PNPLA3: variants seen among roughly 807,000 people sequenced by gnomAD.
PNPLA3 encodes 1-acylglycerol-3-phosphate O-acyltransferase PNPLA3.
In PNPLA3, 42 loss-of-function variants were observed where a neutral mutation model predicts 43.1. That is an observed-to-expected ratio of 0.97 (90% CI 0.76 to 1.26). The LOEUF is 1.26. Ranked by LOEUF, PNPLA3 falls within the 50% of genes most tolerant of loss-of-function variation. PNPLA3 has a pLI of 0.00. For synonymous variants in PNPLA3, 272 were observed against 253.6 expected, an observed-to-expected ratio of 1.07 and a Z score of -0.69; for missense variants, 647 against 621.4, an observed-to-expected ratio of 1.04 and a Z score of -0.44.
intron 3 of PNPLA3, among the ~76,000 whole-genome samples, chr22:43,930,514 T>G (rs1174023840): frequency 6.6e-6 from 1 of 152,146 alleles, no homozygotes; most frequent in Non-Finnish European, 1.5e-5. Flanking sequence ...TCCCCAGAAC[T>G]CAGCAGGAGT....
intron 8 of PNPLA3, among the ~76,000 whole-genome samples, chr22:43,945,090 A>T (rs2050054382): frequency 6.6e-6 from 1 of 152,192 alleles, no homozygotes; most frequent in African/African-American, 2.4e-5. Context: ...AAGCAGGGAA[A>T]GGTGCTTCAG....
At chr22:43,926,914 G>A (rs1189890699) in intron 1 of PNPLA3, 21 bp from the exon 2 acceptor site, 2 of 1,603,090 alleles carry the variant, frequency 1.2e-6, no homozygotes, top group African/African-American at 2.7e-5. Flanking sequence ...ATTCTTTCAT[G>A]TATTTGTCTC....
chr22:43,925,146 C>G (rs1334347962), intron 1 of PNPLA3, among the ~76,000 whole-genome samples: 1 of 152,228 alleles, frequency 6.6e-6, no homozygotes, highest in East Asian at 1.9e-4. Context: ...TCCCTGGACA[C>G]CCCCCAATCC....
intron 7 of PNPLA3, 38 bp downstream of exon 7, chr22:43,940,163 G>A (rs2050022276): frequency 6.3e-7 from 1 of 1,590,638 alleles, no homozygotes; most frequent in East Asian, 2.2e-5. Context: ...TCCTCACAGG[G>A]TTGATATGAG....
chr22:43,939,004 G>C (rs919925980), intron 6 of PNPLA3, among the ~76,000 whole-genome samples: 1 of 152,174 alleles, frequency 6.6e-6, no homozygotes, highest in African/African-American at 2.4e-5. Flanking sequence ...TGGCTCACTG[G>C]AGCCTCCATC....
chr22:43,930,791 G>A (rs901955665), intron 3 of PNPLA3, among the ~76,000 whole-genome samples: 2 of 152,138 alleles, frequency 1.3e-5, no homozygotes, highest in South Asian at 4.1e-4. Flanking sequence ...GGTCTGTGCC[G>A]GCTCACTTGC....
intron 5 of PNPLA3, among the ~76,000 whole-genome samples, chr22:43,935,699 T>G: frequency 2.1e-5 from 3 of 141,586 alleles, no homozygotes; most frequent in African/African-American, 5.3e-5. Flanking sequence ...TGGCTGGAAG[T>G]GTGGGGGTGG....
Position 43,946,195 on chromosome 22 carries a change from C to T in PNPLA3, c.1259C>T (p.Thr420Ile). 6.2e-7 allele frequency: 1 copy of T among 1,614,186 alleles called. No individual in the cohort carries two copies. Among genetic ancestry groups the T allele is most frequent in the Non-Finnish European group, 8.5e-7 (1 of 1,180,028 alleles). The stretch of plus-strand genomic sequence containing the variant: ...AGCAGCCAACAGGCCTCCCCATGCA[C>T]ACCTGAGCAGGACTGGCCCTGCTGG... Reference protein sequence around the residue: ...PVSSQQASPCTPEQDWPCWTP... With the variant: ...PVSSQQASPCIPEQDWPCWTP... The change falls in exon 9 of 9, where the codon ACA (threonine) becomes ATA (isoleucine). Residue 420 changes from threonine to isoleucine, a missense_variant. Physicochemically the swap from Thr to Ile is moderately conservative, Grantham distance 89. Transcript: ENST00000216180.
Position 43,933,063 on chromosome 22 carries a change from A to G in PNPLA3, c.672A>G (p.Arg224=). The change falls in exon 4 of 9, where the codon AGA becomes AGG. Residue 224 remains arginine, a synonymous_variant. Transcript: ENST00000216180. ...LCTGNLYLLS[R]AFVPPDLKVL... ...CAGGGAACCTCTACCTTCTCTCGAG[A>G]GCTTTTGTCCCCCCGGATCTCAAGG... 1 of 1,613,754 alleles carries G rather than the reference A, an allele frequency of 6.2e-7. No homozygotes were observed. The highest frequency in any genetic ancestry group is 8.5e-7 in the Non-Finnish European group (1 of 1,180,012).
At position 43,933,098 on chromosome 22, in the gene PNPLA3, G is replaced by A; in HGVS notation, c.696+11G>A. ...CCCCCGGATCTCAAGGTGAGTTGGT[G>A]GTGAGGGGGCAGGTGTTCTGGGGTG... On this transcript the variant is annotated intron_variant, in intron 4 of 8. Transcript: ENST00000216180. The A allele has an allele frequency of 6.2e-7, 1 of 1,611,778 alleles. No homozygotes were observed. Among genetic ancestry groups the A allele is most frequent in the Non-Finnish European group, 8.5e-7 (1 of 1,178,888 alleles).
intron 8 of PNPLA3, among the ~76,000 whole-genome samples, chr22:43,945,514 G>A (rs1048983722): frequency 1.9e-4 from 29 of 152,320 alleles, no homozygotes; most frequent in African/African-American, 6.7e-4. Context: ...CTGAGAGCCC[G>A]TAGCATGGTA....
intron 3 of PNPLA3, among the ~76,000 whole-genome samples, chr22:43,930,116 G>T (rs12483959): frequency 2.0e-5 from 3 of 152,016 alleles, no homozygotes; most frequent in Admixed American, 6.6e-5. Flanking sequence ...AGAGGGACTC[G>T]CATTAGGAGC....
chr22:43,932,826 C>A, intron 3 of PNPLA3, 52 bp from the exon 4 acceptor site: 1 of 1,542,174 alleles, frequency 6.5e-7, no homozygotes, highest in Non-Finnish European at 9.0e-7. Context: ...AGCACTTAAG[C>A]ACTAACCCAG....
chr22:43,935,153 G>A (rs1341525771), intron 5 of PNPLA3, among the ~76,000 whole-genome samples: 1 of 152,174 alleles, frequency 6.6e-6, no homozygotes, highest in African/African-American at 2.4e-5. Flanking sequence ...AGTCATCCTG[G>A]CTTGTCAGGG....
chr22:43,940,001 G>A lies in PNPLA3; in HGVS notation c.988G>A (p.Glu330Lys). 1.9e-6 allele frequency: 3 copies of A among 1,614,192 alleles called. No individual in the cohort carries two copies. The highest frequency in any genetic ancestry group is 2.5e-6 in the Non-Finnish European group (3 of 1,180,030). The change falls in exon 7 of 9, where the codon GAA (glutamate) becomes AAA (lysine). Residue 330 changes from glutamate (E) to lysine (K), a missense_variant. Glu to Lys is a moderately conservative substitution (Grantham distance 56, BLOSUM62 1). Transcript: ENST00000216180. ...CAAATTGTCTTTTTCAGCACTGAGT[G>A]AAGAAATGAAAGACAAAGGTGGATA... ...LSPRLATALS[E>K]EMKDKGGYMS... is the part of the protein sequence containing the mutation.
Position 43,946,156 on chromosome 22 carries a change from C to T in PNPLA3, c.1220C>T (p.Ser407Phe). Residue 407 changes from serine to phenylalanine, a missense_variant and splice_region_variant, in exon 9 of 9, where the codon TCC becomes TTC. Physicochemically the swap from Ser to Phe is radical, Grantham distance 155. Coordinates refer to ENST00000216180, the MANE Select transcript of PNPLA3 (RefSeq NM_025225.3). ...VLMCLLPASR[S>F]QMPVSSQQAS... The stretch of plus-strand genomic sequence containing the variant: ...CCAACTTCCTCCATGTGTTTCAGGT[C>T]CCAAATGCCAGTGAGCAGCCAACAG... 6.2e-7 allele frequency: 1 copy of T among 1,612,488 alleles called. No individual in the cohort carries two copies. Among genetic ancestry groups the T allele is most frequent in the Non-Finnish European group, 8.5e-7 (1 of 1,178,628 alleles).
Position 43,926,964 on chromosome 22 carries a change from G to T in PNPLA3, c.217G>T (p.Val73Leu). The T allele has an allele frequency of 6.2e-7, 1 of 1,614,230 alleles. No homozygotes were observed. Among genetic ancestry groups the T allele is most frequent in the Non-Finnish European group, 8.5e-7 (1 of 1,180,050 alleles). The change falls in exon 2 of 9, where the codon GTG (valine) becomes TTG (leucine). Residue 73 changes from valine (V) to leucine (L), a missense_variant. Physicochemically the swap from Val to Leu is conservative, Grantham distance 32. Coordinates refer to ENST00000216180, the MANE Select transcript of PNPLA3 (RefSeq NM_025225.3). Reference sequence around the variant, plus strand: ...GACTCTGCAGGTCCTCTCAGATCTTGTGCGGAAGGCCAGGAGTCGGAACAT... The same window carrying T: ...GACTCTGCAGGTCCTCTCAGATCTTTTGCGGAAGGCCAGGAGTCGGAACAT... ...EQTLQVLSDL[V>L]RKARSRNIGI...
At chr22:43,939,119 T>A (rs949567447) in intron 6 of PNPLA3, among the ~76,000 whole-genome samples, 1 of 152,078 alleles carries the variant, frequency 6.6e-6, no homozygotes, top group African/African-American at 2.4e-5. Flanking sequence ...AGAGACAGGG[T>A]TTCACCATGT....
rs1001453817 is a variant in PNPLA3 at position 43,940,551 on chromosome 22, G to A, written c.1112+426G>A. Among the ~76,000 whole-genome samples the A allele has an allele frequency of 6.6e-5, 10 of 152,250 alleles. No homozygotes were observed. In the East Asian group the frequency reaches 1.7e-3, roughly 26 times the overall value. Reference sequence around the variant, plus strand: ...AAGGCCGGCGCCGTGGCTCACGGCTGTAATCCCAGCATTTTGGGAGGCCAA... The same window carrying A: ...AAGGCCGGCGCCGTGGCTCACGGCTATAATCCCAGCATTTTGGGAGGCCAA... On this transcript the variant is annotated intron_variant, in intron 7 of 8. Coordinates refer to ENST00000216180, the MANE Select transcript of PNPLA3 (RefSeq NM_025225.3).
Sources: allele counts gnomAD v4.1 joint callset (sites outside exome capture counted in the v4.1 genomes callset), GRCh38; gene constraint gnomAD v4.1.1; transcripts MANE v1.5; gene names NCBI Gene and HGNC (gene_info 2026-07-23, HGNC 2026-07-21).